Variants in ZFP36L2 observed in about 807,000 individuals in gnomAD.
ZFP36L2 encodes mRNA decay activator protein ZFP36L2.
A neutral mutation model predicts 27.9 loss-of-function variants in ZFP36L2; 16 were observed. That is an observed-to-expected ratio of 0.57 (90% CI 0.39 to 0.87). The LOEUF is 0.87. ZFP36L2 is among the 40% of genes least tolerant of loss of function. ZFP36L2 has a pLI of 0.00. For synonymous variants in ZFP36L2, 600 were observed against 363.8 expected (o/e 1.65, Z -7.39); for missense variants, 989 against 726.9 (o/e 1.36, Z -4.15).
Position 43,225,135 on chromosome 2 carries a change from G to T in ZFP36L2, c.669C>A (p.Pro223=). The change falls in exon 2 of 2, where the codon CCC becomes CCA. Residue 223 remains proline (P), a synonymous_variant. Transcript: ENST00000282388. ...HFIHNADERR[P]APSGGASGDL... is the part of the protein sequence containing the mutation. ...CCCCGGAGGCGCCCCCCGACGGCGC[G>T]GGCCGCCGCTCGTCCGCGTTGTGGA... 1 of 1,584,778 alleles carries T rather than the reference G, an allele frequency of 6.3e-7. No individual in the cohort carries two copies. The highest frequency in any genetic ancestry group is 8.5e-7 in the Non-Finnish European group (1 of 1,174,420).
chr2:43,225,223 G>T lies in ZFP36L2; in HGVS notation c.581C>A (p.Thr194Asn). ...GGTATGAAAGGTGCGGCACAGCTCG[G>T]TCTTGTACTTCGGATGGCGAGTCAG... ...RSLTRHPKYKTELCRTFHTIG... is the reference protein window; with the variant it reads ...RSLTRHPKYKNELCRTFHTIG... Residue 194 changes from threonine (T) to asparagine (N), a missense_variant, in exon 2 of 2, where the codon ACC becomes AAC. Coordinates refer to ENST00000282388, the MANE Select transcript of ZFP36L2 (RefSeq NM_006887.5). The T allele has an allele frequency of 6.2e-7, 1 of 1,606,854 alleles. No homozygotes were observed. Among genetic ancestry groups the T allele is most frequent in the Non-Finnish European group, 8.5e-7 (1 of 1,179,898 alleles).
chr2:43,226,162 C>T (rs1667098641), intron 1 of ZFP36L2, 103 bp downstream of exon 1: 2 of 1,486,842 alleles, frequency 1.3e-6, no homozygotes, highest in Non-Finnish European at 1.8e-6. Flanking sequence ...ACTTTCCCGA[C>T]CTGAAAGGCA....
At chr2:43,225,967 C>T (rs1268279550) in intron 1 of ZFP36L2, among the ~76,000 whole-genome samples, 2 of 152,010 alleles carry the variant, frequency 1.3e-5, no homozygotes, top group East Asian at 1.9e-4. Flanking sequence ...CACCGTGGGC[C>T]GCGCTGGGTT....
rs993182421 is a variant in ZFP36L2, at chr2:43,225,614, G to A, written c.190C>T (p.Leu64Phe). 6.4e-7 allele frequency: 1 copy of A among 1,562,894 alleles called. No homozygotes were observed. ...CCGGGGCTGGGCGCGGGGTGGGCGA[G>A]TGCATGCAGGTTGCTGGCCGAGTGC... is the stretch of plus-strand genomic sequence containing the variant. ...RRHSASNLHA[L>F]AHPAPSPGSC... Residue 64 changes from leucine (L) to phenylalanine (F), a missense_variant, in exon 2 of 2, where the codon CTC becomes TTC. By Grantham distance (22) the Leu-to-Phe change is conservative. Coordinates refer to ENST00000282388, the MANE Select transcript of ZFP36L2 (RefSeq NM_006887.5).
In ZFP36L2 at chr2:43,226,519, G is replaced by C. The variant is rs1037280129; in HGVS notation, c.-204C>G. 5.2e-6 allele frequency: 3 copies of C among 581,644 alleles called. No individual in the cohort carries two copies. Among genetic ancestry groups the C allele is most frequent in the Non-Finnish European group, 5.8e-6 (2 of 344,802 alleles). 36.0% of individuals were successfully genotyped at this position (581,644 alleles called of 1,614,324 possible). A position where few individuals can be genotyped will look rare whatever the true frequency, so the allele number is the denominator to read the frequency against. On this transcript the variant is annotated 5_prime_UTR_variant, in exon 1 of 2. Coordinates refer to ENST00000282388, the MANE Select transcript of ZFP36L2 (RefSeq NM_006887.5). The stretch of plus-strand genomic sequence containing the variant: ...GGCGGAGTGCGGCAGGGGGGAAGGA[G>C]AGAAGCGAGGAGCGCTCCTCCGCGC...
At position 43,226,536 on chromosome 2, in the gene ZFP36L2, C is replaced by T. The variant is rs1667111195; in HGVS notation, c.-221G>A. Reference sequence around the variant, plus strand: ...GGGAAGGAGAGAAGCGAGGAGCGCTCCTCCGCGCCCCGGGGTGCCCGGCCC... The same window carrying T: ...GGGAAGGAGAGAAGCGAGGAGCGCTTCTCCGCGCCCCGGGGTGCCCGGCCC... On this transcript the variant is annotated 5_prime_UTR_variant, in exon 1 of 2. Transcript: ENST00000282388. 5 of 540,608 alleles carry T rather than the reference C, an allele frequency of 9.2e-6. No individual in the cohort carries two copies. The highest frequency in any genetic ancestry group is 4.7e-5 in the South Asian group (2 of 42,292). 33.5% of individuals were successfully genotyped at this position (540,608 alleles called of 1,614,324 possible). A position where few individuals can be genotyped will look rare whatever the true frequency, so the allele number is the denominator to read the frequency against.
Position 43,222,412 on chromosome 2 carries a change from T to C in ZFP36L2, c.*1907A>G, listed in dbSNP as rs1008981830. ...GCTCTTACATGTTAATACCTTTTTT[T>C]CCCAAAAATTTTATTGGGGGAAAAC... is the stretch of plus-strand genomic sequence containing the variant. On this transcript the variant is annotated 3_prime_UTR_variant, in exon 2 of 2. Transcript: ENST00000282388. 3 of 152,382 alleles carry C rather than the reference T, an allele frequency of 2.0e-5. No individual in the cohort carries two copies. In the South Asian group the frequency reaches 6.2e-4, roughly 31 times the overall value. 9.4% of individuals were successfully genotyped at this position (152,382 alleles called of 1,614,324 possible).
At chr2:43,226,215 G>A (rs372899666) in intron 1 of ZFP36L2, 50 bp downstream of exon 1, 6 of 1,553,750 alleles carry the variant, frequency 3.9e-6, no homozygotes, top group Non-Finnish European at 4.4e-6. Flanking sequence ...CAGAGGCAAA[G>A]TCCAAGAACT....
At position 43,224,245 on chromosome 2, in the gene ZFP36L2, G is replaced by T; in HGVS notation, c.*74C>A. ...CCCCCCACTCCCGTGCCCCCAGCAAGGGCGAGATGGCGAGGGGTGTCCTCC... is the reference window on the plus strand; with the variant it reads ...CCCCCCACTCCCGTGCCCCCAGCAATGGCGAGATGGCGAGGGGTGTCCTCC... On this transcript the variant is annotated 3_prime_UTR_variant, in exon 2 of 2. Transcript: ENST00000282388. The T allele has an allele frequency of 7.1e-7, 1 of 1,417,908 alleles. No homozygotes were observed. Among genetic ancestry groups the T allele is most frequent in the Non-Finnish European group, 9.3e-7 (1 of 1,080,234 alleles). The allele number at this position is 1,417,908 out of a possible 1,614,324, so 87.8% of individuals were successfully genotyped here. A position where few individuals can be genotyped will look rare whatever the true frequency, so the allele number is the denominator to read the frequency against.
chr2:43,225,426 C>T lies in ZFP36L2; in HGVS notation c.378G>A (p.Glu126=). Residue 126 remains glutamate, a synonymous_variant, in exon 2 of 2, where the codon GAG becomes GAA. Transcript: ENST00000282388. ...GGAGGTGCTGGCTGCGATCGCCGTT[C>T]TCGCTAAACGAGCGGTCCCGGAATT... ...ENKFRDRSFS[E]NGDRSQHLLH... The T allele has an allele frequency of 6.2e-7, 1 of 1,613,454 alleles. No individual in the cohort carries two copies. The highest frequency in any genetic ancestry group is 1.1e-5 in the South Asian group (1 of 91,070).
In ZFP36L2 at chr2:43,225,476, T is replaced by TGCC. The variant is rs757246717; in HGVS notation, c.325_327dup (p.Gly109dup). The TGCC allele has an allele frequency of 1.2e-6, 2 of 1,608,582 alleles. No homozygotes were observed. The highest frequency in any genetic ancestry group is 1.3e-5 in the African/African-American group (1 of 74,074). On this transcript the variant is annotated inframe_insertion, in exon 2 of 2. Transcript: ENST00000282388. Reference sequence around the variant, plus strand: ...TTGTTCTCCTTGTTGAGCAGGGCTGTGCCGCCGCCCCCCGACGGCTCCTTA... The same window carrying TGCC: ...TTGTTCTCCTTGTTGAGCAGGGCTGTGCCGCCGCCGCCCCCCGACGGCTCCTTA...
In ZFP36L2 at chr2:43,224,514, G is replaced by C. The variant is rs1054059394; in HGVS notation, c.1290C>G (p.Ser430Arg). 4.7e-6 allele frequency: 7 copies of C among 1,485,100 alleles called. No homozygotes were observed. The highest frequency in any genetic ancestry group is 4.5e-5 in the Admixed American group (2 of 44,932). The allele number at this position is 1,485,100 out of a possible 1,614,324, so 92.0% of individuals were successfully genotyped here. ...CGGACAGGCGGCGCGGCAGCTGGAA[G>C]CTGAAGGGCGGCGAGGGAGGTGCGG... The part of the protein sequence containing the change: ...GAAAPPSPPF[S>R]FQLPRRLSDS... The change falls in exon 2 of 2, where the codon AGC becomes AGG. Residue 430 changes from serine (S) to arginine (R), a missense_variant. Ser to Arg is a moderately radical substitution (Grantham distance 110). Coordinates refer to ENST00000282388, the MANE Select transcript of ZFP36L2 (RefSeq NM_006887.5).
chr2:43,224,925 G>C lies in ZFP36L2; in HGVS notation c.879C>G (p.Cys293Trp). ...PTSRTPPPPS[C>W]SSASSCSSSA... is the part of the protein sequence containing the mutation. ...AGGAGGAGCAGGACGAGGCCGAAGA[G>C]CAGGAGGGCGGCGGCGGCGTGCGCG... Residue 293 changes from cysteine (C) to tryptophan (W), a missense_variant, in exon 2 of 2, where the codon TGC becomes TGG. Physicochemically the swap from Cys to Trp is radical, Grantham distance 215. Transcript: ENST00000282388. The C allele has an allele frequency of 6.4e-7, 1 of 1,551,306 alleles. No individual in the cohort carries two copies. Among genetic ancestry groups the C allele is most frequent in the Non-Finnish European group, 8.6e-7 (1 of 1,164,586 alleles).
Position 43,224,611 on chromosome 2 carries a change from T to TGCTGCTGCTG in ZFP36L2, c.1183_1192dup (p.Gln398ProfsTer79). On this transcript the variant is annotated frameshift_variant, in exon 2 of 2. Coordinates refer to ENST00000282388, the MANE Select transcript of ZFP36L2 (RefSeq NM_006887.5). LOFTEE classifies it high-confidence loss of function. ...GGGGGGCGCCAGGCCCTGCTGCTGC[T>TGCTGCTGCTG]GCTGCTGCTGACTGCGGTAGTAGGC... 3 of 1,449,928 alleles carry TGCTGCTGCTG rather than the reference T, an allele frequency of 2.1e-6. No individual in the cohort carries two copies. Among genetic ancestry groups the TGCTGCTGCTG allele is most frequent in the Non-Finnish European group, 2.7e-6 (3 of 1,102,340 alleles). The allele number at this position is 1,449,928 out of a possible 1,614,324, so 89.8% of individuals were successfully genotyped here.
At position 43,225,314 on chromosome 2, in the gene ZFP36L2, C is replaced by T; in HGVS notation, c.490G>A (p.Glu164Lys). The T allele has an allele frequency of 6.2e-7, 1 of 1,613,062 alleles. No individual in the cohort carries two copies. Among genetic ancestry groups the T allele is most frequent in the Non-Finnish European group, 8.5e-7 (1 of 1,179,976 alleles). The change falls in exon 2 of 2, where the codon GAG becomes AAG. Residue 164 changes from glutamate to lysine, a missense_variant. Coordinates refer to ENST00000282388, the MANE Select transcript of ZFP36L2 (RefSeq NM_006887.5). ...TCGCCGTACTTGCACGTGCCGCTCTCCTCGAAGGGCCGGCACAGCTCGGTC... is the reference window on the plus strand; with the variant it reads ...TCGCCGTACTTGCACGTGCCGCTCTTCTCGAAGGGCCGGCACAGCTCGGTC... ...YKTELCRPFE[E>K]SGTCKYGEKC... is the part of the protein sequence containing the mutation.
intron 1 of ZFP36L2, 94 bp from the exon 2 acceptor site, chr2:43,225,846 T>A (rs1667087371): frequency 7.5e-7 from 1 of 1,328,660 alleles, no homozygotes; most frequent in Non-Finnish European, 1.0e-6. Flanking sequence ...CTGATTCTTT[T>A]CCTTTTTTTC....
chr2:43,225,699 C>T lies in ZFP36L2; in HGVS notation c.105G>A (p.Ala35=). The T allele has an allele frequency of 1.9e-6, 3 of 1,595,956 alleles. No individual in the cohort carries two copies. Among genetic ancestry groups the T allele is most frequent in the Non-Finnish European group, 1.7e-6 (2 of 1,178,858 alleles). ...LNLNNMLDKK[A]VGTPVAAAPS... is the part of the protein sequence containing the mutation. ...GGGCGGCGGCCACAGGCGTCCCCACCGCCTTCTTGTCCAGCATGTTGTTCA... is the reference window on the plus strand; with the variant it reads ...GGGCGGCGGCCACAGGCGTCCCCACTGCCTTCTTGTCCAGCATGTTGTTCA... The change falls in exon 2 of 2, where the codon GCG becomes GCA. Residue 35 remains alanine (A), a synonymous_variant. Coordinates refer to ENST00000282388, the MANE Select transcript of ZFP36L2 (RefSeq NM_006887.5).
Position 43,224,562 on chromosome 2 carries a change from G to A in ZFP36L2, c.1242C>T (p.Ser414=). 7.5e-7 allele frequency: 1 copy of A among 1,339,886 alleles called. No homozygotes were observed. The highest frequency in any genetic ancestry group is 9.5e-7 in the Non-Finnish European group (1 of 1,053,812). The allele number at this position is 1,339,886 out of a possible 1,614,324, so 83.0% of individuals were successfully genotyped here. A position where few individuals can be genotyped will look rare whatever the true frequency, so the allele number is the denominator to read the frequency against. Residue 414 remains serine (S), a synonymous_variant, in exon 2 of 2, where the codon AGC becomes AGT. Transcript: ENST00000282388. ...CGGCGGCCCCGGCGGGGAGGGTCGCGCTGGGCGGCGCCGGCGGCTGCGCGG... is the reference window on the plus strand; with the variant it reads ...CGGCGGCCCCGGCGGGGAGGGTCGCACTGGGCGGCGCCGGCGGCTGCGCGG... ...APPAQPPAPP[S]ATLPAGAAAP... is the part of the protein sequence containing the mutation.
At position 43,226,435 on chromosome 2, in the gene ZFP36L2, G is replaced by T; in HGVS notation, c.-120C>A. ...GGCGAGGGGCGGGGAGGGGCCGAAA[G>T]TTTGCCGGGGGGCGAGAGGAGAGGG... is the stretch of plus-strand genomic sequence containing the variant. On this transcript the variant is annotated 5_prime_UTR_variant, in exon 1 of 2. Transcript: ENST00000282388. 1 of 1,337,348 alleles carries T rather than the reference G, an allele frequency of 7.5e-7. No homozygotes were observed. The highest frequency in any genetic ancestry group is 1.0e-6 in the Non-Finnish European group (1 of 960,180). The allele number at this position is 1,337,348 out of a possible 1,614,324, so 82.8% of individuals were successfully genotyped here. A position where few individuals can be genotyped will look rare whatever the true frequency, so the allele number is the denominator to read the frequency against.
Sources: gnomAD v4.1 joint callset for allele counts (sites outside exome capture counted in the v4.1 genomes callset) on GRCh38, gnomAD v4.1.1 for gene constraint, MANE v1.5 for transcripts, NCBI Gene and HGNC (gene_info 2026-07-23, HGNC 2026-07-21) for gene names.